The following KCNT2 variants were observed in gnomAD, a reference collection of about 807,000 sequenced individuals.
KCNT2 encodes the protein potassium channel subfamily T member 2.
Under a neutral mutation model 153.8 loss-of-function variants are expected in KCNT2, and 67 were observed. The observed-to-expected ratio is 0.44, with a 90% CI of 0.36 to 0.53. KCNT2 has a LOEUF of 0.53. Among genes scored for constraint, KCNT2 ranks in the 20% least tolerant of loss-of-function variants. The pLI is 0.00. For synonymous variants in KCNT2, 500 were observed against 458.8 expected (o/e 1.09, Z -1.15); for missense variants, 975 against 1,354.8 (o/e 0.72, Z 4.40).
chr1:196,337,329 T>C (rs1665135782), intron 16 of KCNT2, among the ~76,000 whole-genome samples: 1 of 152,100 alleles, frequency 6.6e-6, no homozygotes, highest in Non-Finnish European at 1.5e-5. Flanking sequence ...CAGAATTTTC[T>C]CCTTCTTACC....
rs1023251935 is a variant in KCNT2, at chr1:196,447,293, A to T, written c.639-17536T>A. ...GTGTAGCAATATTTTTAAGACCCTG[A>T]ACTGAGTTGTCAAGAAAGATTTCTT... is the stretch of plus-strand genomic sequence containing the variant. On this transcript the variant is annotated intron_variant, in intron 8 of 27. Transcript: ENST00000294725. 2.0e-5 allele frequency among the ~76,000 whole-genome samples: 3 copies of T among 151,806 alleles called. No individual in the cohort carries two copies. In the East Asian group the frequency reaches 5.8e-4, roughly 30 times the overall value.
rs534439831 is a variant in KCNT2 at position 196,431,084 on chromosome 1, C to T, written c.639-1327G>A. On this transcript the variant is annotated intron_variant, in intron 8 of 27. Transcript: ENST00000294725. The stretch of plus-strand genomic sequence containing the variant: ...TTCTGCCTTCTGCCATGTGAAGACA[C>T]GCCACAATGCGTCATCTTGGTGAGA... 3.3e-5 allele frequency among the ~76,000 whole-genome samples: 5 copies of T among 152,232 alleles called. No individual in the cohort carries two copies. The East Asian group carries it at 5.8e-4, about 18-fold the overall frequency.
chr1:196,460,009 C>T (rs751981180), intron 8 of KCNT2, among the ~76,000 whole-genome samples: 2 of 151,710 alleles, frequency 1.3e-5, no homozygotes, highest in Non-Finnish European at 2.9e-5. Context: ...CATCGGGCAG[C>T]AAGCCCATTT....
chr1:196,571,569 C>T (rs976871251), intron 1 of KCNT2, among the ~76,000 whole-genome samples: 5 of 152,014 alleles, frequency 3.3e-5, no homozygotes, highest in Non-Finnish European at 7.4e-5. Context: ...GGTCATTAAC[C>T]ATATTGATTA....
intron 25 of KCNT2, among the ~76,000 whole-genome samples, chr1:196,264,244 TTAAA>T (rs2147801910): frequency 6.6e-6 from 1 of 152,306 alleles, no homozygotes; most frequent in Non-Finnish European, 1.5e-5. Context: ...CTCTTAGAAC[TTAAA>T]TAATGTATCT....
intron 25 of KCNT2, among the ~76,000 whole-genome samples, chr1:196,280,303 A>C (rs1267447608): frequency 6.6e-6 from 1 of 152,196 alleles, no homozygotes; most frequent in Admixed American, 6.5e-5. Context: ...CATACTAACA[A>C]GATCAAGTTT....
intron 1 of KCNT2, among the ~76,000 whole-genome samples, chr1:196,560,893 T>C (rs1245894168): frequency 1.3e-5 from 2 of 151,986 alleles, no homozygotes; most frequent in East Asian, 3.9e-4. Context: ...AGTACCTTAA[T>C]AGATTGCCTG....
At chr1:196,606,847 G>C (rs1193087571) in intron 1 of KCNT2, among the ~76,000 whole-genome samples, 1 of 152,108 alleles carries the variant, frequency 6.6e-6, no homozygotes, top group African/African-American at 2.4e-5. Context: ...GGCTAATGCA[G>C]TTTATCTAAA....
In KCNT2 at chr1:196,506,086, T is replaced by C. The variant is rs570206089; in HGVS notation, c.96-13745A>G. On this transcript the variant is annotated intron_variant, in intron 1 of 27. Transcript: ENST00000294725. ...TGCAAATGGGTTTTCTAGGGAAATA[T>C]GTTGCGGAAAATATGTTTCCACACA... Among the ~76,000 whole-genome samples, 9 of 152,180 alleles carry C rather than the reference T, an allele frequency of 5.9e-5. No individual in the cohort carries two copies. In the South Asian group the frequency reaches 1.0e-3, roughly 17 times the overall value.
At chr1:196,373,806 G>A (rs1180281287) in intron 13 of KCNT2, among the ~76,000 whole-genome samples, 1 of 151,814 alleles carries the variant, frequency 6.6e-6, no homozygotes, top group Non-Finnish European at 1.5e-5. Context: ...AATAGAATTT[G>A]CTAAAATAAA....
At position 196,542,893 on chromosome 1, in the gene KCNT2, G is replaced by A. The variant is rs112518467; in HGVS notation, c.96-50552C>T. ...AGAGTGAAGGAAATATAAAAAAGGA[G>A]GATTTAATTCAGTCAACTCTCTTAC... is the stretch of plus-strand genomic sequence containing the variant. On this transcript the variant is annotated intron_variant, in intron 1 of 27. Transcript: ENST00000294725. 1.7e-3 allele frequency among the ~76,000 whole-genome samples: 256 copies of A among 152,112 alleles called. 2 individuals are homozygous for A. Among genetic ancestry groups the A allele is most frequent in the African/African-American group, 5.9e-3 (245 of 41,532 alleles).
intron 1 of KCNT2, among the ~76,000 whole-genome samples, chr1:196,607,229 C>T (rs926810954): frequency 6.6e-6 from 1 of 152,128 alleles, no homozygotes; most frequent in East Asian, 1.9e-4. Flanking sequence ...ACTAAAATAG[C>T]ACATCAATAC....
Position 196,534,502 on chromosome 1 carries a change from A to G in KCNT2, c.96-42161T>C, listed in dbSNP as rs997394390. Among the ~76,000 whole-genome samples, 28 of 152,292 alleles carry G rather than the reference A, an allele frequency of 1.8e-4. 1 individual carries two copies. Among genetic ancestry groups the G allele is most frequent in the Admixed American group, 5.2e-4 (8 of 15,280 alleles). ...GAAACAGAAATGCTTATGTCTTGAA[A>G]TTATTCTCAGATGAAGAATAAGAAG... On this transcript the variant is annotated intron_variant, in intron 1 of 27. Transcript: ENST00000294725.
chr1:196,519,483 A>T (rs1653055368), intron 1 of KCNT2, among the ~76,000 whole-genome samples: 1 of 152,044 alleles, frequency 6.6e-6, no homozygotes, highest in Non-Finnish European at 1.5e-5. Context: ...AGAAAAACAA[A>T]TAAAAAAATC....
intron 1 of KCNT2, among the ~76,000 whole-genome samples, chr1:196,566,638 T>C (rs957234502): frequency 2.6e-5 from 4 of 152,074 alleles, no homozygotes; most frequent in African/African-American, 9.7e-5. Context: ...AATGGAAGTT[T>C]ACCCATAGTT....
intron 17 of KCNT2, among the ~76,000 whole-genome samples, chr1:196,331,509 T>C (rs993313382): frequency 4.6e-5 from 7 of 152,042 alleles, no homozygotes; most frequent in Non-Finnish European, 1.0e-4. Flanking sequence ...CAAACTAGTA[T>C]TTCATGTCAT....
At chr1:196,605,187 C>T (rs912811563) in intron 1 of KCNT2, among the ~76,000 whole-genome samples, 11 of 152,182 alleles carry the variant, frequency 7.2e-5, no homozygotes, top group African/African-American at 1.9e-4. Flanking sequence ...TGGCTCTCTA[C>T]ATCCAGAAAA....
intron 27 of KCNT2, among the ~76,000 whole-genome samples, chr1:196,232,900 AG>A (rs1212336351): frequency 6.6e-6 from 1 of 151,390 alleles, no homozygotes; most frequent in African/African-American, 2.4e-5. Flanking sequence ...AATACAAATA[AG>A]GTAAGCATAA....
intron 3 of KCNT2, among the ~76,000 whole-genome samples, chr1:196,483,769 C>A (rs1162465813): frequency 2.0e-5 from 3 of 152,080 alleles, no homozygotes; most frequent in African/African-American, 7.2e-5. Context: ...ATATGTGTTT[C>A]TTTAATGGCT....
Sources: gnomAD v4.1 joint callset for allele counts (sites outside exome capture counted in the v4.1 genomes callset) on GRCh38, gnomAD v4.1.1 for gene constraint, MANE v1.5 for transcripts, NCBI Gene and HGNC (gene_info 2026-07-23, HGNC 2026-07-21) for gene names.